Variants in ADGRB3 observed in about 807,000 individuals in gnomAD.
The protein encoded by ADGRB3 is brain-specific angiogenesis inhibitor 3.
Under a neutral mutation model 193.4 loss-of-function variants are expected in ADGRB3, and 37 were observed. That is an observed-to-expected ratio of 0.19 (90% CI 0.15 to 0.25). ADGRB3 has a LOEUF of 0.25. Among genes scored for constraint, ADGRB3 ranks in the 10% least tolerant of loss-of-function variants. The probability of loss-of-function intolerance (pLI) is 1.00; values close to 1 mark genes in which losing one functional copy is unlikely to be tolerated. For missense variants in ADGRB3, 1,637 were observed against 1,852.9 expected, an observed-to-expected ratio of 0.88 and a Z score of 2.14; for synonymous variants, 690 against 644.2, an observed-to-expected ratio of 1.07 and a Z score of -1.08.
chr6:68,691,970 A>C (rs1765084675), intron 3 of ADGRB3, among the ~76,000 whole-genome samples: 1 of 151,770 alleles, frequency 6.6e-6, no homozygotes, highest in Non-Finnish European at 1.5e-5. Context: ...TCAGTGAAAG[A>C]AGCTTGTTTT....
chr6:68,646,259 G>A (rs988677565), intron 3 of ADGRB3, among the ~76,000 whole-genome samples: 3 of 151,640 alleles, frequency 2.0e-5, no homozygotes, highest in Non-Finnish European at 4.4e-5. Context: ...GGTGGATCAC[G>A]TGAGGTCAGG....
intron 3 of ADGRB3, among the ~76,000 whole-genome samples, chr6:68,774,295 A>C (rs1216087292): frequency 3.3e-5 from 5 of 151,942 alleles, no homozygotes; most frequent in Non-Finnish European, 7.4e-5. Flanking sequence ...AAATTTGATT[A>C]AATAATTTTA....
chr6:68,927,810 A>G (rs1359898477), intron 3 of ADGRB3, among the ~76,000 whole-genome samples: 1 of 152,146 alleles, frequency 6.6e-6, no homozygotes, highest in Non-Finnish European at 1.5e-5. Context: ...ATTTAGTTAC[A>G]TCAGGACCTC....
At chr6:69,213,402 A>G (rs1286327305) in intron 17 of ADGRB3, among the ~76,000 whole-genome samples, 1 of 152,214 alleles carries the variant, frequency 6.6e-6, no homozygotes, top group Non-Finnish European at 1.5e-5. Flanking sequence ...ATGACTGGCA[A>G]TCATTAAATA....
At chr6:69,057,446 A>G (rs562366373) in intron 15 of ADGRB3, among the ~76,000 whole-genome samples, 2 of 152,118 alleles carry the variant, frequency 1.3e-5, no homozygotes, top group East Asian at 3.9e-4. Flanking sequence ...ACTATGTTGA[A>G]TAAAACTGGC....
chr6:68,868,942 A>T (rs72902963), intron 3 of ADGRB3, among the ~76,000 whole-genome samples: 46,420 of 121,594 alleles, frequency 0.38, 7,805 homozygotes, highest in East Asian at 0.61. Context: ...TGTGTGTGTG[A>T]GTGTGTGTGT....
chr6:68,749,084 AC>A lies in ADGRB3; in HGVS notation c.757+109654del, dbSNP rs201516355. ...AGGGACCCTGGGCCCAGCTCATGAA[AC>A]CACTTTTTCCTCCTGGGCCTCTTGG... On this transcript the variant is annotated intron_variant, in intron 3 of 31. Coordinates refer to ENST00000370598, the MANE Select transcript of ADGRB3 (RefSeq NM_001704.3). Among the ~76,000 whole-genome samples, 1,293 of 152,134 alleles carry A rather than the reference AC, an allele frequency of 8.5e-3. 17 individuals carry two copies. The highest frequency in any genetic ancestry group is 0.027 in the African/African-American group (1,125 of 41,522).
intron 17 of ADGRB3, among the ~76,000 whole-genome samples, chr6:69,160,491 C>T (rs1036420800): frequency 2.0e-5 from 3 of 152,150 alleles, no homozygotes; most frequent in Non-Finnish European, 4.4e-5. Context: ...TAAATCAGGA[C>T]TTTTCTCAAA....
At chr6:68,888,725 G>T (rs563231244) in intron 3 of ADGRB3, among the ~76,000 whole-genome samples, 3 of 152,240 alleles carry the variant, frequency 2.0e-5, no homozygotes, top group African/African-American at 7.2e-5. Context: ...ATTATATAGG[G>T]TGGTCATTGA....
intron 16 of ADGRB3, among the ~76,000 whole-genome samples, chr6:69,067,467 G>A (rs1266331819): frequency 1.3e-5 from 2 of 152,100 alleles, no homozygotes; most frequent in Non-Finnish European, 2.9e-5. Flanking sequence ...CATTAGATAA[G>A]CATGAGAAAC....
At chr6:68,876,309 T>C (rs1765592433) in intron 3 of ADGRB3, among the ~76,000 whole-genome samples, 1 of 152,106 alleles carries the variant, frequency 6.6e-6, no homozygotes, top group Non-Finnish European at 1.5e-5. Flanking sequence ...TTCTAAGTAT[T>C]GAAACTGAAG....
chr6:68,934,697 A>C (rs1767436397), intron 4 of ADGRB3, among the ~76,000 whole-genome samples: 1 of 152,116 alleles, frequency 6.6e-6, no homozygotes, highest in South Asian at 2.1e-4. Flanking sequence ...TCTATTGCTA[A>C]ATTTACATGC....
At chr6:68,966,189 G>A (rs893866908) in intron 8 of ADGRB3, among the ~76,000 whole-genome samples, 1 of 151,956 alleles carries the variant, frequency 6.6e-6, no homozygotes, top group Non-Finnish European at 1.5e-5. Context: ...ATAGTGCTGA[G>A]CCCATTCTAC....
At chr6:68,868,780 G>A (rs1765375618) in intron 3 of ADGRB3, among the ~76,000 whole-genome samples, 1 of 152,094 alleles carries the variant, frequency 6.6e-6, no homozygotes, top group Non-Finnish European at 1.5e-5. Context: ...CAATATTTCT[G>A]TGTAGACATA....
At chr6:69,101,493 C>T (rs1773055231) in intron 17 of ADGRB3, among the ~76,000 whole-genome samples, 1 of 135,486 alleles carries the variant, frequency 7.4e-6, no homozygotes, top group African/African-American at 2.8e-5. Context: ...AAGGAGAATA[C>T]AAGAAGCTGA....
chr6:69,030,297 A>G lies in ADGRB3; in HGVS notation c.2107+11798A>G, dbSNP rs148835057. On this transcript the variant is annotated intron_variant, in intron 13 of 31. Transcript: ENST00000370598. Reference sequence around the variant, plus strand: ...CCAAAGGATTATAAATCATTTTACTATAAAGACACATGCACACATATGTTT... The same window carrying G: ...CCAAAGGATTATAAATCATTTTACTGTAAAGACACATGCACACATATGTTT... Among the ~76,000 whole-genome samples the G allele has an allele frequency of 2.2e-3, 334 of 152,278 alleles. 5 individuals carry two copies. The highest frequency in any genetic ancestry group is 7.9e-3 in the African/African-American group (328 of 41,562).
At chr6:68,742,000 A>G (rs965689395) in intron 3 of ADGRB3, among the ~76,000 whole-genome samples, 4 of 152,210 alleles carry the variant, frequency 2.6e-5, no homozygotes, top group African/African-American at 9.6e-5. Flanking sequence ...TAAAAATGCA[A>G]AGAACTGAAT....
intron 17 of ADGRB3, among the ~76,000 whole-genome samples, chr6:69,202,487 G>T (rs1468307326): frequency 6.6e-6 from 1 of 152,076 alleles, no homozygotes; most frequent in Non-Finnish European, 1.5e-5. Flanking sequence ...GAGAGAGACA[G>T]AGTTTTCCTC....
rs115406231 is a variant in ADGRB3 at position 68,901,422 on chromosome 6, T to C, written c.758-29137T>C. On this transcript the variant is annotated intron_variant, in intron 3 of 31. Transcript: ENST00000370598. ...CAAGTCAGAAGAATCCACAGTCTTT[T>C]TATAACCCAATCATCATTACCTCTG... Among the ~76,000 whole-genome samples, 342 of 152,274 alleles carry C rather than the reference T, an allele frequency of 2.2e-3. 1 individual carries two copies. The highest frequency in any genetic ancestry group is 8.0e-3 in the African/African-American group (332 of 41,570).
Sources: gnomAD v4.1 joint callset for allele counts (sites outside exome capture counted in the v4.1 genomes callset) on GRCh38, gnomAD v4.1.1 for gene constraint, MANE v1.5 for transcripts, NCBI Gene and HGNC (gene_info 2026-07-23, HGNC 2026-07-21) for gene names.